FAM227A: variants seen among roughly 807,000 people sequenced by gnomAD.
The protein encoded by FAM227A is family with sequence similarity 227 member A, also known as protein FAM227A.
In FAM227A, 80 loss-of-function variants were observed where a neutral mutation model predicts 74.7. The observed-to-expected ratio is 1.07, with a 90% CI of 0.89 to 1.29. The LOEUF is 1.29. Among genes scored for constraint, FAM227A ranks in the 50% most tolerant of loss-of-function variants. The probability of loss-of-function intolerance (pLI) is 0.00; values close to 1 mark genes in which losing one functional copy is unlikely to be tolerated. For synonymous variants in FAM227A, 237 were observed against 241.8 expected (o/e 0.98, Z 0.19); for missense variants, 654 against 683.4 (o/e 0.96, Z 0.48).
chr22:38,636,720 G>A, intron 5 of FAM227A, 123 bp from the exon 6 acceptor site: 1 of 851,900 alleles, frequency 1.2e-6, no homozygotes, highest in South Asian at 2.0e-5. Flanking sequence ...GAGAAAATGA[G>A]GGGTGTTTAG....
intron 11 of FAM227A, among the ~76,000 whole-genome samples, chr22:38,615,643 G>A (rs2091559715): frequency 6.6e-6 from 1 of 152,206 alleles, no homozygotes; most frequent in Admixed American, 6.5e-5. Context: ...TGGGTGCCAG[G>A]CACCTGCAGT....
rs570909914 is a variant in FAM227A at position 38,584,245 on chromosome 22, G to A, written c.*1880C>T. ...TCTTTATTTATCTCTGTATTCACAG[G>A]GCCTAGTGCAGGGATGGTACAGAAT... On this transcript the variant is annotated 3_prime_UTR_variant, in exon 17 of 17. Coordinates refer to ENST00000535113, the MANE Select transcript of FAM227A (RefSeq NM_001013647.2). 2 of 152,134 alleles carry A rather than the reference G, an allele frequency of 1.3e-5. No individual in the cohort carries two copies. The highest frequency in any genetic ancestry group is 2.1e-4 in the South Asian group (1 of 4,816). The allele number at this position is 152,134 out of a possible 1,614,324, so 9.4% of individuals were successfully genotyped here.
intron 1 of FAM227A, among the ~76,000 whole-genome samples, chr22:38,652,872 A>G (rs5757207): frequency 0.49 from 68,088 of 140,196 alleles, 18,645 homozygotes; most frequent in African/African-American, 0.77. Context: ...GCAAGACTCC[A>G]TCTCAAAAAA....
At chr22:38,635,443 T>C (rs2091985952) in intron 6 of FAM227A, among the ~76,000 whole-genome samples, 1 of 152,010 alleles carries the variant, frequency 6.6e-6, no homozygotes, top group African/African-American at 2.4e-5. Context: ...TGAAGAGCCA[T>C]GAGGCACAGC....
chr22:38,586,953 C>T (rs1161361968), intron 16 of FAM227A, among the ~76,000 whole-genome samples: 1 of 152,094 alleles, frequency 6.6e-6, no homozygotes, highest in East Asian at 1.9e-4. Flanking sequence ...GCTGAAATTA[C>T]AGGCATGAGC....
rs1322231373 is a variant in FAM227A at position 38,623,202 on chromosome 22, A to C, written c.928T>G (p.Leu310Val). 33 of 1,551,412 alleles carry C rather than the reference A, an allele frequency of 2.1e-5. No individual in the cohort carries two copies. Among genetic ancestry groups the C allele is most frequent in the Non-Finnish European group, 2.9e-5 (33 of 1,146,860 alleles). ...GTCAGTCTTCTTCTGTACAACATTA[A>C]TTCTTCTCTGCGGAATCGCTCTGGG... is the stretch of plus-strand genomic sequence containing the variant. ...LDPERFRREE[L>V]MLYRRRLTKG... Residue 310 changes from leucine (L) to valine (V), a missense_variant, in exon 10 of 17, where the codon TTA becomes GTA. By Grantham distance (32) the Leu-to-Val change is conservative (BLOSUM62 1). Transcript: ENST00000535113.
chr22:38,645,064 C>G (rs1046981313), intron 3 of FAM227A, among the ~76,000 whole-genome samples: 14 of 148,858 alleles, frequency 9.4e-5, no homozygotes, highest in Non-Finnish European at 1.9e-4. Flanking sequence ...TCCAGTCTGG[C>G]GACAGAGCAA....
chr22:38,585,984 GGA>G lies in FAM227A; in HGVS notation c.*139_*140del. On this transcript the variant is annotated 3_prime_UTR_variant, in exon 17 of 17. Transcript: ENST00000535113. ...CACTCAGCCTAGGAAAAACTACAAC[GGA>G]ATCCTTCCCCTATGGAGAAATCATG... is the stretch of plus-strand genomic sequence containing the variant. The G allele has an allele frequency of 6.6e-7, 1 of 1,516,302 alleles. No homozygotes were observed. The highest frequency in any genetic ancestry group is 2.2e-5 in the Admixed American group (1 of 44,498). The allele number at this position is 1,516,302 out of a possible 1,614,324, so 93.9% of individuals were successfully genotyped here.
At chr22:38,648,248 C>G (rs1174170392) in intron 2 of FAM227A, among the ~76,000 whole-genome samples, 1 of 147,356 alleles carries the variant, frequency 6.8e-6, no homozygotes, top group African/African-American at 2.5e-5. Context: ...CCAGAAGGAG[C>G]AGATTTGGGG....
chr22:38,578,908 T>C lies in FAM227A; in HGVS notation c.*7217A>G, dbSNP rs1240310662. 1 of 152,174 alleles carries C rather than the reference T, an allele frequency of 6.6e-6. No homozygotes were observed. Among genetic ancestry groups the C allele is most frequent in the African/African-American group, 2.4e-5 (1 of 41,448 alleles). 9.4% of individuals were successfully genotyped at this position (152,174 alleles called of 1,614,324 possible). On this transcript the variant is annotated 3_prime_UTR_variant, in exon 17 of 17. Transcript: ENST00000535113. ...TCATGATAGCCAGTACATGCTGCACTTACCATGTGTCAGGCACTGTTCTAA... is the reference window on the plus strand; with the variant it reads ...TCATGATAGCCAGTACATGCTGCACCTACCATGTGTCAGGCACTGTTCTAA...
At chr22:38,620,600 G>A (rs923449706) in intron 10 of FAM227A, among the ~76,000 whole-genome samples, 4 of 151,616 alleles carry the variant, frequency 2.6e-5, no homozygotes, top group East Asian at 3.9e-4. Context: ...TCAGGAGATC[G>A]AGACCATCCT....
chr22:38,639,620 G>T, intron 4 of FAM227A, 35 bp downstream of exon 4: 1 of 1,548,580 alleles, frequency 6.5e-7, no homozygotes, highest in Non-Finnish European at 8.7e-7. Context: ...CAAACCCCAT[G>T]AAAAGAGCAT....
chr22:38,649,507 A>G (rs1173936234), intron 2 of FAM227A, among the ~76,000 whole-genome samples: 4 of 151,636 alleles, frequency 2.6e-5, no homozygotes, highest in African/African-American at 9.7e-5. Flanking sequence ...TGGAGGTTGC[A>G]GTGAACTGAG....
At chr22:38,627,705 T>C (rs1244838384) in intron 8 of FAM227A, among the ~76,000 whole-genome samples, 1 of 152,048 alleles carries the variant, frequency 6.6e-6, no homozygotes, top group Admixed American at 6.6e-5. Context: ...CCCGGGTTCA[T>C]GTGAACCCTG....
chr22:38,600,316 G>A (rs920569921), intron 13 of FAM227A, among the ~76,000 whole-genome samples: 28 of 147,562 alleles, frequency 1.9e-4, no homozygotes, highest in African/African-American at 6.4e-4. Flanking sequence ...GTGTATGTAT[G>A]TATATATATA....
At chr22:38,636,051 A>AGAAG (rs1208823499) in intron 6 of FAM227A, among the ~76,000 whole-genome samples, 2 of 150,564 alleles carry the variant, frequency 1.3e-5, no homozygotes, top group East Asian at 3.9e-4. Flanking sequence ...AGAGAGAGAA[A>AGAAG]GAAGGAAAGA....
chr22:38,616,881 G>A (rs1422483555), intron 11 of FAM227A, among the ~76,000 whole-genome samples: 1 of 151,924 alleles, frequency 6.6e-6, no homozygotes, highest in East Asian at 1.9e-4. Flanking sequence ...GGACTGACCT[G>A]GGAGGGGAGC....
chr22:38,605,107 T>A (rs1356980917), intron 13 of FAM227A, 147 bp downstream of exon 13: 1 of 556,156 alleles, frequency 1.8e-6, no homozygotes, highest in Non-Finnish European at 3.2e-6. Flanking sequence ...ACTGTGACAG[T>A]AGAAGAAAAT....
At chr22:38,590,838 G>C (rs139217414) in intron 16 of FAM227A, among the ~76,000 whole-genome samples, 1 of 152,146 alleles carries the variant, frequency 6.6e-6, no homozygotes, top group Non-Finnish European at 1.5e-5. Flanking sequence ...AGGATGGAGT[G>C]TAGTGGCGTG....
Sources: allele counts gnomAD v4.1 joint callset (sites outside exome capture counted in the v4.1 genomes callset), GRCh38; gene constraint gnomAD v4.1.1; transcripts MANE v1.5; gene names NCBI Gene and HGNC (gene_info 2026-07-23, HGNC 2026-07-21).